Variants in GRM8 observed in about 807,000 individuals in gnomAD.
GRM8 encodes the protein metabotropic glutamate receptor 8.
A neutral mutation model predicts 87.2 loss-of-function variants in GRM8; 47 were observed. That is an observed-to-expected ratio of 0.54 (90% CI 0.43 to 0.69). The LOEUF is 0.69. Ranked by LOEUF, GRM8 falls within the 30% of genes least tolerant of loss-of-function variation. GRM8 has a pLI of 0.00. For missense variants in GRM8, 1,019 were observed against 1,139.2 expected (o/e 0.89, Z 1.52); for synonymous variants, 396 against 404.5 (o/e 0.98, Z 0.25).
At chr7:126,648,801 T>C (rs2151234658) in intron 7 of GRM8, among the ~76,000 whole-genome samples, 1 of 151,618 alleles carries the variant, frequency 6.6e-6, no homozygotes, top group Non-Finnish European at 1.5e-5. Flanking sequence ...TGAACGACAC[T>C]GATATTAAGA....
At chr7:126,849,683 T>C (rs1286451243) in intron 6 of GRM8, among the ~76,000 whole-genome samples, 2 of 152,192 alleles carry the variant, frequency 1.3e-5, no homozygotes, top group Admixed American at 6.5e-5. Context: ...TGTCAGCTGA[T>C]GATCTTGCAT....
chr7:126,710,246 G>T (rs903627728), intron 7 of GRM8, among the ~76,000 whole-genome samples: 1 of 152,092 alleles, frequency 6.6e-6, no homozygotes. Flanking sequence ...TCAGAGTGGC[G>T]GTTGCTGAAG....
chr7:126,441,821 T>C (rs572000075), intron 10 of GRM8, among the ~76,000 whole-genome samples: 13 of 152,140 alleles, frequency 8.5e-5, no homozygotes, highest in African/African-American at 3.1e-4. Flanking sequence ...ACTATAGATG[T>C]TTTTTTCATT....
intron 3 of GRM8, among the ~76,000 whole-genome samples, chr7:127,017,236 G>A (rs181970611): frequency 8.5e-5 from 13 of 152,090 alleles, no homozygotes; most frequent in Non-Finnish European, 1.5e-5. Flanking sequence ...AAGTAGCTAA[G>A]TTCTCTTAAA....
intron 3 of GRM8, among the ~76,000 whole-genome samples, chr7:126,954,445 T>C (rs1372404300): frequency 6.6e-6 from 1 of 152,138 alleles, no homozygotes; most frequent in Non-Finnish European, 1.5e-5. Context: ...CAAATAGCAA[T>C]ATAGGGTGTC....
intron 7 of GRM8, among the ~76,000 whole-genome samples, chr7:126,668,336 C>G (rs898093388): frequency 1.3e-5 from 2 of 152,312 alleles, no homozygotes; most frequent in East Asian, 3.9e-4. Flanking sequence ...TTTTGGCCTG[C>G]AACGTGGGGA....
rs568343405 is a variant in GRM8, at chr7:126,847,748, C to T, written c.1156+54794G>A. Among the ~76,000 whole-genome samples the T allele has an allele frequency of 3.3e-5, 5 of 152,286 alleles. No individual in the cohort carries two copies. The South Asian group carries it at 8.3e-4, about 25-fold the overall frequency. On this transcript the variant is annotated intron_variant, in intron 6 of 10. Coordinates refer to ENST00000339582, the MANE Select transcript of GRM8 (RefSeq NM_000845.3). ...CTAACTCAGAAGTTAGGCAACTTTG[C>T]ATCTGTTTTGATCACAAGCCTTCCC...
intron 2 of GRM8, among the ~76,000 whole-genome samples, chr7:127,124,765 T>C (rs1326343285): frequency 6.6e-6 from 1 of 152,126 alleles, no homozygotes; most frequent in Non-Finnish European, 1.5e-5. Flanking sequence ...ACGAAATAAC[T>C]GGAACCAGAT....
chr7:126,842,449 T>C (rs1796364694), intron 6 of GRM8, among the ~76,000 whole-genome samples: 1 of 152,242 alleles, frequency 6.6e-6, no homozygotes, highest in South Asian at 2.1e-4. Flanking sequence ...AAAGAATCAC[T>C]ACATATTTGT....
chr7:126,949,079 T>A (rs562983876), intron 3 of GRM8, among the ~76,000 whole-genome samples: 103 of 152,380 alleles, frequency 6.8e-4, no homozygotes, highest in Non-Finnish European at 1.3e-3. Flanking sequence ...CTACCTTGTA[T>A]CCTGGATTTA....
intron 6 of GRM8, among the ~76,000 whole-genome samples, chr7:126,802,931 C>A (rs1292813645): frequency 6.6e-6 from 1 of 152,114 alleles, no homozygotes; most frequent in East Asian, 1.9e-4. Context: ...TATAAATAAG[C>A]TAATAGACTG....
chr7:126,742,737 A>G (rs1476755732), intron 7 of GRM8, among the ~76,000 whole-genome samples: 2 of 152,074 alleles, frequency 1.3e-5, no homozygotes, highest in Non-Finnish European at 2.9e-5. Context: ...GTCAGAATAC[A>G]TTATTCCTTC....
At chr7:127,206,497 A>C (rs1167286775) in intron 2 of GRM8, among the ~76,000 whole-genome samples, 1 of 152,176 alleles carries the variant, frequency 6.6e-6, no homozygotes, top group Non-Finnish European at 1.5e-5. Context: ...TAAAATAAGT[A>C]ACATTTTTCT....
chr7:127,137,093 C>A (rs575476371), intron 2 of GRM8, among the ~76,000 whole-genome samples: 2 of 152,136 alleles, frequency 1.3e-5, no homozygotes, highest in African/African-American at 4.8e-5. Flanking sequence ...CTGTTAAAAA[C>A]CAGCTATGTG....
intron 8 of GRM8, among the ~76,000 whole-genome samples, chr7:126,577,266 G>A (rs903656209): frequency 6.6e-6 from 1 of 152,128 alleles, no homozygotes; most frequent in South Asian, 2.1e-4. Context: ...GACATCTTGG[G>A]AGATAAAGTT....
intron 7 of GRM8, among the ~76,000 whole-genome samples, chr7:126,753,296 T>A (rs1022029611): frequency 6.6e-6 from 1 of 151,912 alleles, no homozygotes. Context: ...TATATATATG[T>A]CTGTTGTCAA....
Position 126,492,756 on chromosome 7 carries a change from G to T in GRM8, c.2430+40196C>A, listed in dbSNP as rs144303196. On this transcript the variant is annotated intron_variant, in intron 9 of 10. Transcript: ENST00000339582. ...AAGATGTAAATAGCTTTATAGATAGGTATTCCTTATATATAGATTTCAAAA... is the reference window on the plus strand; with the variant it reads ...AAGATGTAAATAGCTTTATAGATAGTTATTCCTTATATATAGATTTCAAAA... 2.4e-4 allele frequency among the ~76,000 whole-genome samples: 37 copies of T among 152,110 alleles called. 1 individual carries two copies. The highest frequency in any genetic ancestry group is 8.4e-4 in the African/African-American group (35 of 41,538).
At chr7:126,514,371 G>T (rs776909572) in intron 9 of GRM8, among the ~76,000 whole-genome samples, 12 of 152,090 alleles carry the variant, frequency 7.9e-5, no homozygotes, top group Non-Finnish European at 1.6e-4. Context: ...AAACAATTTG[G>T]ACTTTGGAGA....
intron 6 of GRM8, among the ~76,000 whole-genome samples, chr7:126,855,270 ATACC>A (rs1161043859): frequency 6.6e-6 from 1 of 152,130 alleles, no homozygotes; most frequent in Non-Finnish European, 1.5e-5. Context: ...AGGTGAGTGG[ATACC>A]ACTTTTGGAT....
Sources: allele counts gnomAD v4.1 joint callset (sites outside exome capture counted in the v4.1 genomes callset), GRCh38; gene constraint gnomAD v4.1.1; transcripts MANE v1.5; gene names NCBI Gene and HGNC (gene_info 2026-07-23, HGNC 2026-07-21).